The following CDH7 variants were observed in gnomAD, a reference collection of about 807,000 sequenced individuals.
CDH7 encodes cadherin 7.
Under a neutral mutation model 71.8 loss-of-function variants are expected in CDH7, and 25 were observed. The observed-to-expected ratio is 0.35, with a 90% CI of 0.25 to 0.49. The LOEUF (loss-of-function observed/expected upper bound fraction) is 0.49. Among genes scored for constraint, CDH7 ranks in the 20% least tolerant of loss-of-function variants. The pLI is 0.99. For synonymous variants in CDH7, 381 were observed against 363.8 expected (o/e 1.05, Z -0.54); for missense variants, 862 against 974.6 (o/e 0.88, Z 1.54).
At chr18:65,874,329 T>A (rs1008564691) in intron 11 of CDH7, among the ~76,000 whole-genome samples, 1 of 152,194 alleles carries the variant, frequency 6.6e-6, no homozygotes, top group East Asian at 1.9e-4. Flanking sequence ...TTTACATTAC[T>A]GAGTGATTTT....
chr18:65,873,854 C>T (rs1287853073), intron 11 of CDH7, among the ~76,000 whole-genome samples: 1 of 152,084 alleles, frequency 6.6e-6, no homozygotes, highest in African/African-American at 2.4e-5. Flanking sequence ...AATCCCTTTC[C>T]CATACATATT....
At chr18:65,821,601 G>A (rs1911932120) in intron 4 of CDH7, among the ~76,000 whole-genome samples, 1 of 152,096 alleles carries the variant, frequency 6.6e-6, no homozygotes. Context: ...GTGTGTGTTT[G>A]TGTTTGAGAG....
intron 6 of CDH7, among the ~76,000 whole-genome samples, chr18:65,839,428 C>T (rs1912648495): frequency 1.3e-5 from 2 of 152,110 alleles, no homozygotes; most frequent in Non-Finnish European, 1.5e-5. Context: ...TAATACCACT[C>T]ATGAGGGATC....
At chr18:65,759,717 A>T (rs1240268689) in intron 1 of CDH7, among the ~76,000 whole-genome samples, 2 of 152,224 alleles carry the variant, frequency 1.3e-5, no homozygotes, top group African/African-American at 4.8e-5. Flanking sequence ...ACTGTGGAAA[A>T]TAAAATCCCG....
rs975057880 is a variant in CDH7, at chr18:65,884,730, G to T, written c.*3836G>T. 1.3e-5 allele frequency: 2 copies of T among 152,154 alleles called. No individual in the cohort carries two copies. The highest frequency in any genetic ancestry group is 4.8e-5 in the African/African-American group (2 of 41,440). 9.4% of individuals were successfully genotyped at this position (152,154 alleles called of 1,614,324 possible). Reference sequence around the variant, plus strand: ...TAAAATAAGCTAAGCTAAACAAACTGCAAGAAGCTAAATGATTTAAACATG... The same window carrying T: ...TAAAATAAGCTAAGCTAAACAAACTTCAAGAAGCTAAATGATTTAAACATG... On this transcript the variant is annotated 3_prime_UTR_variant, in exon 12 of 12. Coordinates refer to ENST00000397968, the MANE Select transcript of CDH7 (RefSeq NM_004361.5).
Position 65,859,691 on chromosome 18 carries a change from A to G in CDH7, c.1495-17A>G, listed in dbSNP as rs1913490189. ...GCACACCAATGTGCTTTCATCTTTT[A>G]CTTTCTCTTTTCCTAGGTTATCCAG... is the stretch of plus-strand genomic sequence containing the variant. On this transcript the variant is annotated splice_polypyrimidine_tract_variant and intron_variant, in intron 9 of 11. Coordinates refer to ENST00000397968, the MANE Select transcript of CDH7 (RefSeq NM_004361.5). 3.4e-6 allele frequency: 5 copies of G among 1,477,362 alleles called. No individual in the cohort carries two copies. In the East Asian group the frequency reaches 9.1e-5, roughly 27 times the overall value. 91.5% of individuals were successfully genotyped at this position (1,477,362 alleles called of 1,614,324 possible). A position where few individuals can be genotyped will look rare whatever the true frequency, so the allele number is the denominator to read the frequency against.
intron 11 of CDH7, among the ~76,000 whole-genome samples, chr18:65,873,588 G>A (rs1368838732): frequency 2.0e-5 from 3 of 152,062 alleles, no homozygotes; most frequent in Non-Finnish European, 4.4e-5. Flanking sequence ...AACATCATAT[G>A]TTTATTTTAC....
chr18:65,871,921 C>A (rs575448591), intron 11 of CDH7, among the ~76,000 whole-genome samples: 3 of 152,202 alleles, frequency 2.0e-5, no homozygotes, highest in African/African-American at 7.2e-5. Flanking sequence ...GACATCAGCT[C>A]TTGCCATACA....
chr18:65,781,853 T>TC (rs1491316365), intron 2 of CDH7, among the ~76,000 whole-genome samples: 4 of 89,966 alleles, frequency 4.4e-5, no homozygotes, highest in African/African-American at 2.5e-4. Context: ...TTTCTTTCTT[T>TC]CTTTCTTTCT....
rs745901703 is a variant in CDH7, at chr18:65,880,630, T to A, written c.2094T>A (p.Phe698Leu). The A allele has an allele frequency of 8.1e-6, 13 of 1,613,946 alleles. No individual in the cohort carries two copies. The South Asian group carries it at 1.4e-4, about 18-fold the overall frequency. ...PEIQFLSRPAFKSIPDNVIFR... is the reference protein window; with the variant it reads ...PEIQFLSRPALKSIPDNVIFR... ...TTCAATTCCTGAGTCGACCAGCTTT[T>A]AAAAGCATCCCAGATAATGTCATCT... The change falls in exon 12 of 12, where the codon TTT becomes TTA. Residue 698 changes from phenylalanine to leucine, a missense_variant. Phe to Leu is a conservative substitution (Grantham distance 22). Transcript: ENST00000397968.
intron 7 of CDH7, among the ~76,000 whole-genome samples, chr18:65,855,835 G>A (rs1301536053): frequency 6.6e-6 from 1 of 152,114 alleles, no homozygotes; most frequent in Non-Finnish European, 1.5e-5. Context: ...ATTTTCCACA[G>A]AACATTTAGA....
chr18:65,781,974 C>T lies in CDH7; in HGVS notation c.210+18922C>T, dbSNP rs1264925906. 1.9e-4 allele frequency among the ~76,000 whole-genome samples: 19 copies of T among 102,658 alleles called. 2 individuals carry two copies. The highest frequency in any genetic ancestry group is 1.1e-3 in the South Asian group (3 of 2,798). 67.3% of individuals were successfully genotyped at this position (102,658 alleles called of 152,430 possible). ...TCTCTTTCTCTCTTTCTCTCTCTCT[C>T]TCTCTCTCTCTCTTTCTCTCTTTCT... is the stretch of plus-strand genomic sequence containing the variant. On this transcript the variant is annotated intron_variant, in intron 2 of 11. Transcript: ENST00000397968.
chr18:65,845,166 A>T (rs1028106692), intron 7 of CDH7, among the ~76,000 whole-genome samples: 8 of 149,244 alleles, frequency 5.4e-5, no homozygotes, highest in African/African-American at 2.0e-4. Flanking sequence ...ACATATTTTA[A>T]AGTAGTATAT....
At chr18:65,865,331 T>A (rs1913720037) in intron 11 of CDH7, 2 of 152,190 alleles carry the variant, frequency 1.3e-5, no homozygotes, top group African/African-American at 4.8e-5. Flanking sequence ...TGTGTGTCTG[T>A]GCATAAAAGT....
intron 10 of CDH7, among the ~76,000 whole-genome samples, chr18:65,860,394 A>G (rs1378115309): frequency 6.6e-6 from 1 of 152,178 alleles, no homozygotes; most frequent in East Asian, 1.9e-4. Flanking sequence ...TCTGCTTCAA[A>G]GGTAAACACT....
intron 7 of CDH7, among the ~76,000 whole-genome samples, chr18:65,844,494 A>G (rs951599837): frequency 1.3e-5 from 2 of 152,080 alleles, no homozygotes; most frequent in Non-Finnish European, 2.9e-5. Context: ...ATATTGGTCT[A>G]CTTGAACAGT....
intron 2 of CDH7, among the ~76,000 whole-genome samples, chr18:65,782,004 TTCTCTCTTTCTC>T (rs1568182117): frequency 3.5e-5 from 2 of 57,934 alleles, no homozygotes; most frequent in African/African-American, 3.1e-4. Context: ...CTTTCTCTCT[TTCTCTCTTTCTC>T]TCTCTCTTTC....
chr18:65,866,902 AGT>A (rs958938254), intron 11 of CDH7, among the ~76,000 whole-genome samples: 1 of 152,180 alleles, frequency 6.6e-6, no homozygotes, highest in Non-Finnish European at 1.5e-5. Flanking sequence ...CTTTATTTAC[AGT>A]GAGTACAGTT....
At chr18:65,765,847 TTAAG>T (rs1916345923) in intron 2 of CDH7, among the ~76,000 whole-genome samples, 1 of 152,136 alleles carries the variant, frequency 6.6e-6, no homozygotes, top group South Asian at 2.1e-4. Context: ...CCTAATATCA[TTAAG>T]TTTTAGTTTT....
Sources: gnomAD v4.1 joint callset for allele counts (sites outside exome capture counted in the v4.1 genomes callset) on GRCh38, gnomAD v4.1.1 for gene constraint, MANE v1.5 for transcripts, NCBI Gene and HGNC (gene_info 2026-07-23, HGNC 2026-07-21) for gene names.